TASP1: variants seen among roughly 807,000 people sequenced by gnomAD.
TASP1 encodes threonine aspartase 1.
TASP1 carries 16 observed loss-of-function variants against 56.6 expected under a neutral mutation model. The observed-to-expected ratio is 0.28, with a 90% CI of 0.19 to 0.43. The LOEUF is 0.43. TASP1 is among the 20% of genes least tolerant of loss of function. TASP1 has a pLI of 1.00. For missense variants in TASP1, 393 were observed against 511.6 expected (o/e 0.77, Z 2.24); for synonymous variants, 179 against 184.2 (o/e 0.97, Z 0.23).
chr20:13,223,111 C>T, the TASP1 span, among the ~76,000 whole-genome samples: 5 of 151,232 alleles, frequency 3.3e-5, no homozygotes, highest in African/African-American at 4.9e-5. Context: ...GAGCTGAGAT[C>T]GCGCCACTGC....
At chr20:13,535,248 C>T (rs2045371196) in intron 8 of TASP1, among the ~76,000 whole-genome samples, 1 of 152,136 alleles carries the variant, frequency 6.6e-6, no homozygotes, top group African/African-American at 2.4e-5. Flanking sequence ...CCGGGCCCAT[C>T]TCAGAAGTTT....
At chr20:13,241,727 G>GTTA in the TASP1 span, among the ~76,000 whole-genome samples, 4 of 152,140 alleles carry the variant, frequency 2.6e-5, no homozygotes, top group East Asian at 7.7e-4. Context: ...GTGAAGGAAG[G>GTTA]GCAGTTGGAT....
the TASP1 span, among the ~76,000 whole-genome samples, chr20:13,193,160 C>T: frequency 6.6e-6 from 1 of 151,336 alleles, no homozygotes; most frequent in Non-Finnish European, 1.5e-5. Context: ...TAATTAAAAC[C>T]AAAAAAAGCA....
At chr20:13,465,015 T>TA (rs908748678) in intron 11 of TASP1, among the ~76,000 whole-genome samples, 1 of 150,580 alleles carries the variant, frequency 6.6e-6, no homozygotes, top group Non-Finnish European at 1.5e-5. Flanking sequence ...AAATAATAAA[T>TA]AAAAAAGTAG....
chr20:13,547,125 G>C (rs1250230109), intron 8 of TASP1, among the ~76,000 whole-genome samples: 1 of 152,146 alleles, frequency 6.6e-6, no homozygotes, highest in African/African-American at 2.4e-5. Flanking sequence ...ACTATTTCTA[G>C]AGACTGTGAT....
At chr20:13,211,708 A>C in the TASP1 span, among the ~76,000 whole-genome samples, 1 of 152,162 alleles carries the variant, frequency 6.6e-6, no homozygotes, top group Non-Finnish European at 1.5e-5. Context: ...GACCATACCA[A>C]TCCTGACTCA....
the TASP1 span, among the ~76,000 whole-genome samples, chr20:13,277,816 G>A: frequency 6.6e-6 from 1 of 152,092 alleles, no homozygotes; most frequent in Admixed American, 6.5e-5. Flanking sequence ...TGCAGCCTGA[G>A]TAGACTCTGG....
At chr20:13,199,736 A>G in the TASP1 span, among the ~76,000 whole-genome samples, 1 of 152,228 alleles carries the variant, frequency 6.6e-6, no homozygotes, top group South Asian at 2.1e-4. Flanking sequence ...CTTGGGGGAT[A>G]CAAAGGAAAT....
intron 7 of TASP1, among the ~76,000 whole-genome samples, chr20:13,562,325 C>T (rs981595067): frequency 1.3e-5 from 2 of 152,008 alleles, no homozygotes; most frequent in Admixed American, 6.5e-5. Context: ...AAACAACAAC[C>T]TAGCTTTAAA....
At chr20:13,631,077 G>T (rs1397147120) in intron 1 of TASP1, among the ~76,000 whole-genome samples, 2 of 152,104 alleles carry the variant, frequency 1.3e-5, no homozygotes, top group East Asian at 3.8e-4. Flanking sequence ...ACCCACAATG[G>T]ATTGAAAATT....
At chr20:13,175,865 G>T in the TASP1 span, among the ~76,000 whole-genome samples, 2 of 152,138 alleles carry the variant, frequency 1.3e-5, no homozygotes, top group African/African-American at 4.8e-5. Context: ...AGAAACAGTA[G>T]TAGAAGTAGA....
At chr20:13,126,067 A>G in the TASP1 span, among the ~76,000 whole-genome samples, 1 of 151,936 alleles carries the variant, frequency 6.6e-6, no homozygotes, top group East Asian at 1.9e-4. Context: ...AGGCCTAATC[A>G]TATCTCCTCA....
chr20:13,266,948 T>C, the TASP1 span, among the ~76,000 whole-genome samples: 1 of 152,286 alleles, frequency 6.6e-6, no homozygotes, highest in South Asian at 2.1e-4. Flanking sequence ...GTGCAGTAAG[T>C]CCCTTTGAGA....
At chr20:13,320,320 C>CATT in the TASP1 span, among the ~76,000 whole-genome samples, 1 of 152,258 alleles carries the variant, frequency 6.6e-6, no homozygotes, top group Admixed American at 6.5e-5. Context: ...CTGTGTGATA[C>CATT]ATTAGCTTTG....
chr20:13,138,197 T>G, the TASP1 span, among the ~76,000 whole-genome samples: 1 of 152,198 alleles, frequency 6.6e-6, no homozygotes, highest in Non-Finnish European at 1.5e-5. Context: ...AGAATACAAG[T>G]GCCATGAGGG....
chr20:13,257,873 C>G, the TASP1 span, among the ~76,000 whole-genome samples: 1 of 152,062 alleles, frequency 6.6e-6, no homozygotes, highest in Admixed American at 6.6e-5. Flanking sequence ...CCAGGGAATT[C>G]AAAGTGGCTG....
At chr20:13,295,980 G>A in the TASP1 span, among the ~76,000 whole-genome samples, 1 of 152,244 alleles carries the variant, frequency 6.6e-6, no homozygotes, top group South Asian at 2.1e-4. Flanking sequence ...GCAACCTGGT[G>A]TCACGTGCTC....
chr20:13,236,243 A>G, the TASP1 span, among the ~76,000 whole-genome samples: 2 of 152,148 alleles, frequency 1.3e-5, no homozygotes, highest in Non-Finnish European at 2.9e-5. Flanking sequence ...TCTAACAAGG[A>G]CCTGCTCAGA....
At chr20:13,266,128 G>A in the TASP1 span, among the ~76,000 whole-genome samples, 12 of 152,210 alleles carry the variant, frequency 7.9e-5, no homozygotes, top group African/African-American at 1.9e-4. Flanking sequence ...TCATATGGTC[G>A]CACTCAGATG....
Sources: gnomAD v4.1 joint callset for allele counts (sites outside exome capture counted in the v4.1 genomes callset) on GRCh38, gnomAD v4.1.1 for gene constraint, MANE v1.5 for transcripts, NCBI Gene and HGNC (gene_info 2026-07-23, HGNC 2026-07-21) for gene names.